The following ADAMTS12 variants were observed in gnomAD, a reference collection of about 807,000 sequenced individuals.
ADAMTS12 encodes the protein ADAM metallopeptidase with thrombospondin type 1 motif 12, also known as A disintegrin and metalloproteinase with thrombospondin motifs 12.
ADAMTS12 carries 118 observed loss-of-function variants against 167.8 expected under a neutral mutation model. The ratio of observed to expected loss-of-function variants is 0.70; its 90% CI spans 0.61 to 0.82. The LOEUF (loss-of-function observed/expected upper bound fraction) is 0.82, where lower values mean the gene tolerates loss of function less well. Ranked by LOEUF, ADAMTS12 falls within the 40% of genes least tolerant of loss-of-function variation. The probability of loss-of-function intolerance (pLI) is 0.00; values close to 1 mark genes in which losing one functional copy is unlikely to be tolerated. For synonymous variants in ADAMTS12, 704 were observed against 716.9 expected, an observed-to-expected ratio of 0.98 and a Z score of 0.29; for missense variants, 1,916 against 1,998.8, an observed-to-expected ratio of 0.96 and a Z score of 0.79.
intron 10 of ADAMTS12, among the ~76,000 whole-genome samples, chr5:33,643,078 A>G (rs1441788849): frequency 1.3e-5 from 2 of 152,240 alleles, no homozygotes; most frequent in Admixed American, 1.3e-4. Context: ...GAAGGCTGAT[A>G]ATAAGCTTAG....
chr5:33,602,434 A>G (rs1738235578), intron 16 of ADAMTS12, among the ~76,000 whole-genome samples: 1 of 152,232 alleles, frequency 6.6e-6, no homozygotes, highest in South Asian at 2.1e-4. Flanking sequence ...CCAATAATTT[A>G]ATTCCATTGA....
At chr5:33,868,705 C>T (rs755660367) in intron 2 of ADAMTS12, among the ~76,000 whole-genome samples, 4 of 152,172 alleles carry the variant, frequency 2.6e-5, no homozygotes, top group Non-Finnish European at 2.9e-5. Flanking sequence ...CAAGTTTGTC[C>T]AACCCATGGC....
chr5:33,882,595 T>G (rs565882096), intron 1 of ADAMTS12, among the ~76,000 whole-genome samples: 22 of 152,324 alleles, frequency 1.4e-4, no homozygotes, highest in African/African-American at 3.8e-4. Context: ...TTGTTTTGTT[T>G]TGTATTGTTT....
chr5:33,598,774 A>T (rs937168441), intron 16 of ADAMTS12, among the ~76,000 whole-genome samples: 7 of 152,228 alleles, frequency 4.6e-5, no homozygotes, highest in African/African-American at 7.2e-5. Flanking sequence ...TGGCTGCAAC[A>T]ATATTCTCCC....
intron 2 of ADAMTS12, among the ~76,000 whole-genome samples, chr5:33,814,888 G>GGA (rs1747590411): frequency 6.9e-6 from 1 of 144,480 alleles, no homozygotes; most frequent in South Asian, 2.4e-4. Flanking sequence ...CTCCTTGAAA[G>GGA]GAGGAGTGAT....
At chr5:33,625,346 G>GA (rs147987073) in intron 13 of ADAMTS12, among the ~76,000 whole-genome samples, 27 of 151,694 alleles carry the variant, frequency 1.8e-4, no homozygotes, top group Non-Finnish European at 3.4e-4. Context: ...ATAACAATGG[G>GA]AAAAAAAGCA....
chr5:33,575,805 G>C lies in ADAMTS12; in HGVS notation c.3972+249C>G, dbSNP rs1029077100. Among the ~76,000 whole-genome samples the C allele has an allele frequency of 1.2e-4, 19 of 152,206 alleles. 1 individual carries two copies. The East Asian group carries it at 3.7e-3, about 29-fold the overall frequency. The stretch of plus-strand genomic sequence containing the variant: ...CAGGAACTCTCATTTGGTTGGGTCA[G>C]GTAGAATCAGATTAAAAGCTAGACA... On this transcript the variant is annotated intron_variant, in intron 19 of 23. Coordinates refer to ENST00000504830, the MANE Select transcript of ADAMTS12 (RefSeq NM_030955.4).
intron 14 of ADAMTS12, among the ~76,000 whole-genome samples, chr5:33,622,349 T>A (rs1284219199): frequency 2.0e-5 from 3 of 152,052 alleles, no homozygotes; most frequent in Non-Finnish European, 4.4e-5. Context: ...TAGGAACTCA[T>A]AAAGAAAATT....
In ADAMTS12 at chr5:33,891,847, C is replaced by T. The variant is rs986337112; in HGVS notation, c.10G>A (p.Ala4Thr). 6 of 1,613,988 alleles carry T rather than the reference C, an allele frequency of 3.7e-6. No homozygotes were observed. The highest frequency in any genetic ancestry group is 2.7e-5 in the African/African-American group (2 of 74,916). Residue 4 changes from alanine (A) to threonine (T), a missense_variant, in exon 1 of 24, where the codon GCC (alanine) becomes ACC (threonine). Transcript: ENST00000504830. MPCAQRSWLANLSV... is the reference protein window; with the variant it reads MPCTQRSWLANLSV... ...AGGTTTGCAAGCCAGCTCCTCTGGG[C>T]ACATGGCATGATTCAGATGTTGAGG... is the stretch of plus-strand genomic sequence containing the variant.
intron 2 of ADAMTS12, among the ~76,000 whole-genome samples, chr5:33,799,345 C>A (rs1192900863): frequency 6.6e-6 from 1 of 152,196 alleles, no homozygotes. Flanking sequence ...CATCATCAGG[C>A]CTCACTGAGA....
At chr5:33,635,183 T>C (rs1740132206) in intron 12 of ADAMTS12, among the ~76,000 whole-genome samples, 2 of 152,316 alleles carry the variant, frequency 1.3e-5, no homozygotes, top group South Asian at 2.1e-4. Context: ...AATGCTTAAA[T>C]GTTTAGAAAA....
At chr5:33,661,840 G>T in intron 6 of ADAMTS12, 76 bp downstream of exon 6, 2 of 1,587,474 alleles carry the variant, frequency 1.3e-6, no homozygotes, top group South Asian at 2.3e-5. Context: ...TCATGGGTTT[G>T]AACACCTGGT....
At chr5:33,828,119 T>G (rs1218368850) in intron 2 of ADAMTS12, among the ~76,000 whole-genome samples, 9 of 152,170 alleles carry the variant, frequency 5.9e-5, no homozygotes, top group Non-Finnish European at 1.0e-4. Context: ...CAGACTTCTG[T>G]CTCAAATGGT....
chr5:33,595,824 C>A, intron 17 of ADAMTS12, 110 bp downstream of exon 17: 2 of 1,476,982 alleles, frequency 1.4e-6, no homozygotes, highest in South Asian at 1.3e-5. Flanking sequence ...TTGTATTTAT[C>A]CAAATAACAA....
chr5:33,654,801 A>G (rs1306079767), intron 7 of ADAMTS12, among the ~76,000 whole-genome samples: 1 of 151,964 alleles, frequency 6.6e-6, no homozygotes, highest in Non-Finnish European at 1.5e-5. Flanking sequence ...GTTACTGTCT[A>G]GAATTTTCTG....
At chr5:33,661,394 C>T (rs1741255105) in intron 6 of ADAMTS12, among the ~76,000 whole-genome samples, 2 of 152,272 alleles carry the variant, frequency 1.3e-5, no homozygotes, top group South Asian at 4.1e-4. Context: ...ATGATATTTT[C>T]ATGGGAGAAA....
At chr5:33,782,117 A>AT (rs1324831441) in intron 2 of ADAMTS12, among the ~76,000 whole-genome samples, 1 of 151,968 alleles carries the variant, frequency 6.6e-6, no homozygotes, top group Admixed American at 6.6e-5. Context: ...TTCTTCTCTT[A>AT]TTTTTTTAAA....
At chr5:33,616,859 GCATA>G (rs1467083825) in intron 14 of ADAMTS12, among the ~76,000 whole-genome samples, 1 of 152,146 alleles carries the variant, frequency 6.6e-6, no homozygotes, top group East Asian at 1.9e-4. Flanking sequence ...ATGGTAAGAG[GCATA>G]CTGGTGAAAA....
At chr5:33,842,724 C>A (rs73760045) in intron 2 of ADAMTS12, among the ~76,000 whole-genome samples, 1 of 152,186 alleles carries the variant, frequency 6.6e-6, no homozygotes, top group Non-Finnish European at 1.5e-5. Flanking sequence ...AGTGCAGAGA[C>A]CCTGTAGGTG....
Sources: allele counts gnomAD v4.1 joint callset (sites outside exome capture counted in the v4.1 genomes callset), GRCh38; gene constraint gnomAD v4.1.1; transcripts MANE v1.5; gene names NCBI Gene and HGNC (gene_info 2026-07-23, HGNC 2026-07-21).